The following MEGF9 variants were observed in gnomAD, a reference collection of about 807,000 sequenced individuals.
The protein encoded by MEGF9 is multiple EGF like domains 9, also known as multiple epidermal growth factor-like domains protein 9.
A neutral mutation model predicts 46.8 loss-of-function variants in MEGF9; 6 were observed. The observed-to-expected ratio is 0.13, with a 90% CI of 0.07 to 0.25. The LOEUF is 0.25. Ranked by LOEUF, MEGF9 falls within the 10% of genes least tolerant of loss-of-function variation. The pLI is 1.00. For synonymous variants in MEGF9, 302 were observed against 330.7 expected (o/e 0.91, Z 0.94); for missense variants, 683 against 792.4 (o/e 0.86, Z 1.66).
chr9:120,689,769 C>T (rs998944600), intron 1 of MEGF9, among the ~76,000 whole-genome samples: 3 of 152,058 alleles, frequency 2.0e-5, no homozygotes, highest in African/African-American at 7.2e-5. Flanking sequence ...AAATCAAAGA[C>T]CCTAATAAAT....
At chr9:120,710,032 CAAAAAAA>C (rs56208944) in intron 1 of MEGF9, among the ~76,000 whole-genome samples, 9 of 97,902 alleles carry the variant, frequency 9.2e-5, no homozygotes, top group African/African-American at 3.5e-4. Context: ...AACTCCGTCT[CAAAAAAA>C]AAAAAAAAAA....
chr9:120,662,010 A>T (rs184837804), intron 1 of MEGF9, among the ~76,000 whole-genome samples: 2 of 152,176 alleles, frequency 1.3e-5, no homozygotes, highest in Non-Finnish European at 2.9e-5. Flanking sequence ...ACTAAAAAAA[A>T]TTTTCTACAA....
chr9:120,648,489 T>C (rs1345320804), intron 2 of MEGF9, among the ~76,000 whole-genome samples: 1 of 152,138 alleles, frequency 6.6e-6, no homozygotes. Flanking sequence ...TACAAATTTC[T>C]ACTCACTCTT....
At chr9:120,608,054 A>G in intron 4 of MEGF9, 44 bp from the exon 5 acceptor site, 1 of 1,596,124 alleles carries the variant, frequency 6.3e-7, no homozygotes. Flanking sequence ...GTCTGAAGCT[A>G]CAATTAAAAA....
chr9:120,659,244 T>C, intron 2 of MEGF9, 130 bp downstream of exon 2: 1 of 572,854 alleles, frequency 1.7e-6, no homozygotes, highest in East Asian at 3.0e-5. Context: ...AATAAAAGTA[T>C]ATAAAATATT....
chr9:120,652,179 CACAA>C (rs1326493573), intron 2 of MEGF9, among the ~76,000 whole-genome samples: 61 of 8,684 alleles, frequency 7.0e-3, no homozygotes, highest in South Asian at 0.021. Context: ...CACACACACA[CACAA>C]AAAAAAAAAA....
intron 2 of MEGF9, among the ~76,000 whole-genome samples, chr9:120,658,459 TAAAAC>T (rs1324870851): frequency 6.6e-6 from 1 of 152,228 alleles, no homozygotes; most frequent in Non-Finnish European, 1.5e-5. Context: ...CCTTTGAAAT[TAAAAC>T]AAACCAGAAT....
intron 1 of MEGF9, among the ~76,000 whole-genome samples, chr9:120,709,874 C>A (rs2043945127): frequency 6.6e-6 from 1 of 151,660 alleles, no homozygotes; most frequent in Non-Finnish European, 1.5e-5. Flanking sequence ...CATGGTGAAA[C>A]CCCATCTCTA....
At chr9:120,621,506 AT>A (rs1279215773) in intron 3 of MEGF9, among the ~76,000 whole-genome samples, 1 of 152,096 alleles carries the variant, frequency 6.6e-6, no homozygotes, top group South Asian at 2.1e-4. Context: ...CAGTTTGTTC[AT>A]TTGATATTTT....
At position 120,695,603 on chromosome 9, in the gene MEGF9, C is replaced by CAAAAAAA. The variant is rs370281228; in HGVS notation, c.601+18148_601+18154dup. Among the ~76,000 whole-genome samples, 41 of 18,690 alleles carry CAAAAAAA rather than the reference C, an allele frequency of 2.2e-3. 9 individuals carry two copies. Among genetic ancestry groups the CAAAAAAA allele is most frequent in the African/African-American group, 4.5e-3 (37 of 8,270 alleles). The allele number at this position is 18,690 out of a possible 152,430, so 12.3% of individuals were successfully genotyped here. On this transcript the variant is annotated intron_variant, in intron 1 of 5. Transcript: ENST00000373930. ...TGGGTGACAGTGTGAGACCCCATCT[C>CAAAAAAA]AAAAAAAAAAAAAAAAAAAAAAAAA...
At chr9:120,666,302 G>T (rs2043724784) in intron 1 of MEGF9, among the ~76,000 whole-genome samples, 1 of 152,144 alleles carries the variant, frequency 6.6e-6, no homozygotes, top group Non-Finnish European at 1.5e-5. Flanking sequence ...AAGTCCAAAA[G>T]ATATATCATA....
At chr9:120,640,246 C>G (rs1027526778) in intron 2 of MEGF9, among the ~76,000 whole-genome samples, 1 of 152,198 alleles carries the variant, frequency 6.6e-6, no homozygotes, top group African/African-American at 2.4e-5. Flanking sequence ...CATCAGGCAT[C>G]TTCCTGCATC....
Position 120,690,025 on chromosome 9 carries a change from A to G in MEGF9, c.601+23733T>C, listed in dbSNP as rs1471672803. 3 of 513,034 alleles carry G rather than the reference A, an allele frequency of 5.8e-6. No homozygotes were observed. The Admixed American group carries it at 6.3e-5, about 11-fold the overall frequency. The allele number at this position is 513,034 out of a possible 1,614,324, so 31.8% of individuals were successfully genotyped here. A position where few individuals can be genotyped will look rare whatever the true frequency, so the allele number is the denominator to read the frequency against. On this transcript the variant is annotated intron_variant, in intron 1 of 5. Coordinates refer to ENST00000373930, the MANE Select transcript of MEGF9 (RefSeq NM_001080497.3). The stretch of plus-strand genomic sequence containing the variant: ...ATAAACAAAGACAGACAATGAGGGT[A>G]ATGTGGCAAATGGGTCTGCCCACTC...
At chr9:120,644,014 G>A (rs905706026) in intron 2 of MEGF9, among the ~76,000 whole-genome samples, 5 of 152,080 alleles carry the variant, frequency 3.3e-5, no homozygotes, top group Non-Finnish European at 7.4e-5. Context: ...CATGAGGCTC[G>A]GCCTGTTTAA....
intron 1 of MEGF9, chr9:120,689,913 A>G (rs1196734985): frequency 5.7e-6 from 3 of 528,228 alleles, no homozygotes; most frequent in Non-Finnish European, 1.2e-5. Context: ...CCTTCCCATA[A>G]CAATTTTTCT....
intron 3 of MEGF9, among the ~76,000 whole-genome samples, chr9:120,613,589 G>A (rs2043458526): frequency 6.6e-6 from 1 of 151,556 alleles, no homozygotes; most frequent in South Asian, 2.1e-4. Flanking sequence ...ATAAAGAAAA[G>A]AAAAAAACAA....
intron 1 of MEGF9, among the ~76,000 whole-genome samples, chr9:120,679,230 T>C: frequency 6.6e-6 from 1 of 152,114 alleles, no homozygotes; most frequent in Non-Finnish European, 1.5e-5. Context: ...AACCTAAATG[T>C]CCATCAATGA....
intron 3 of MEGF9, among the ~76,000 whole-genome samples, chr9:120,613,061 T>C (rs2043456112): frequency 6.6e-6 from 1 of 152,044 alleles, no homozygotes; most frequent in African/African-American, 2.4e-5. Flanking sequence ...GATACTGAAC[T>C]CTCAGCCTCC....
intron 2 of MEGF9, among the ~76,000 whole-genome samples, chr9:120,638,005 CT>C (rs2043586335): frequency 6.6e-6 from 1 of 151,498 alleles, no homozygotes; most frequent in Non-Finnish European, 1.5e-5. Flanking sequence ...TAACCTTTTT[CT>C]TTTTTTGAGA....
Sources: gnomAD v4.1 joint callset for allele counts (sites outside exome capture counted in the v4.1 genomes callset) on GRCh38, gnomAD v4.1.1 for gene constraint, MANE v1.5 for transcripts, NCBI Gene and HGNC (gene_info 2026-07-23, HGNC 2026-07-21) for gene names.